The following LCMT1 variants were observed in gnomAD, a reference collection of about 807,000 sequenced individuals.
LCMT1 encodes the protein leucine carboxyl methyltransferase 1.
LCMT1 carries 32 observed loss-of-function variants against 47.7 expected under a neutral mutation model. The ratio of observed to expected loss-of-function variants is 0.67; its 90% confidence interval spans 0.51 to 0.90. The LOEUF (loss-of-function observed/expected upper bound fraction) is 0.90, where lower values mean the gene tolerates loss of function less well. Among genes scored for constraint, LCMT1 ranks in the 40% least tolerant of loss-of-function variants. The probability of loss-of-function intolerance (pLI) is 0.00; values close to 1 mark genes in which losing one functional copy is unlikely to be tolerated. For missense variants in LCMT1, 375 were observed against 415.2 expected, an observed-to-expected ratio of 0.90 and a Z score of 0.84; for synonymous variants, 152 against 149.7, an observed-to-expected ratio of 1.02 and a Z score of -0.11.
chr16:25,139,444 A>G (rs1006722681), intron 3 of LCMT1, among the ~76,000 whole-genome samples: 6 of 151,956 alleles, frequency 3.9e-5, no homozygotes, highest in African/African-American at 1.5e-4. Flanking sequence ...CGGGAGGCAG[A>G]GGTTGCAGTG....
At chr16:25,113,378 A>G (rs1024008942) in intron 1 of LCMT1, among the ~76,000 whole-genome samples, 1 of 152,116 alleles carries the variant, frequency 6.6e-6, no homozygotes, top group Admixed American at 6.6e-5. Flanking sequence ...CTGGAGCTAG[A>G]CTCTGTCAAA....
chr16:25,167,693 A>G (rs1961627544), intron 7 of LCMT1, among the ~76,000 whole-genome samples: 1 of 152,174 alleles, frequency 6.6e-6, no homozygotes, highest in Non-Finnish European at 1.5e-5. Flanking sequence ...AGTGGTAGCA[A>G]ATTCTTAGAT....
chr16:25,132,013 CTAT>C (rs1432358696), intron 2 of LCMT1: 2 of 300,046 alleles, frequency 6.7e-6, no homozygotes, highest in East Asian at 1.5e-4. Flanking sequence ...CTGACCCATA[CTAT>C]TATTTTTCAT....
At chr16:25,133,179 A>G (rs1960403528) in intron 3 of LCMT1, among the ~76,000 whole-genome samples, 1 of 152,044 alleles carries the variant, frequency 6.6e-6, no homozygotes, top group African/African-American at 2.4e-5. Context: ...TAATTTTGAC[A>G]GTAACTAAGA....
intron 7 of LCMT1, among the ~76,000 whole-genome samples, chr16:25,168,524 G>A (rs1961654580): frequency 6.6e-6 from 1 of 152,182 alleles, no homozygotes; most frequent in East Asian, 1.9e-4. Flanking sequence ...ACAAGGAAAA[G>A]TAAATCTCTC....
intron 5 of LCMT1, among the ~76,000 whole-genome samples, chr16:25,159,223 C>T (rs1015462757): frequency 6.6e-6 from 1 of 152,212 alleles, no homozygotes; most frequent in Non-Finnish European, 1.5e-5. Context: ...AGAAGTTACA[C>T]AGGCATTTTG....
intron 9 of LCMT1, among the ~76,000 whole-genome samples, chr16:25,173,049 C>T (rs777914607): frequency 1.3e-5 from 2 of 152,188 alleles, no homozygotes; most frequent in Admixed American, 6.5e-5. Flanking sequence ...TATGCCAGGT[C>T]GAACAGCCTT....
intron 10 of LCMT1, among the ~76,000 whole-genome samples, chr16:25,177,334 T>G (rs1302408750): frequency 6.6e-6 from 1 of 152,224 alleles, no homozygotes; most frequent in Non-Finnish European, 1.5e-5. Flanking sequence ...TGACCTCTTG[T>G]GACTTTTCCC....
chr16:25,132,319 T>C, intron 2 of LCMT1, 83 bp from the exon 3 acceptor site: 1 of 1,535,714 alleles, frequency 6.5e-7, no homozygotes, highest in Non-Finnish European at 8.9e-7. Flanking sequence ...TCTGTTTTGC[T>C]CTTCTCCTGG....
intron 3 of LCMT1, among the ~76,000 whole-genome samples, chr16:25,136,770 C>G (rs1438193225): frequency 6.6e-6 from 1 of 152,082 alleles, no homozygotes; most frequent in Non-Finnish European, 1.5e-5. Flanking sequence ...AACTCCTGGC[C>G]TCAAGTGATC....
intron 4 of LCMT1, chr16:25,144,008 A>G (rs1365654615): frequency 1.3e-5 from 2 of 152,182 alleles, no homozygotes; most frequent in African/African-American, 2.4e-5. Context: ...TAAGGCCAAC[A>G]CATTGCTGGA....
At chr16:25,121,696 G>A (rs900917485) in intron 1 of LCMT1, among the ~76,000 whole-genome samples, 1 of 152,158 alleles carries the variant, frequency 6.6e-6, no homozygotes, top group South Asian at 2.1e-4. Flanking sequence ...GTGCTAGGAG[G>A]GGAAATGCCA....
intron 3 of LCMT1, among the ~76,000 whole-genome samples, chr16:25,137,512 T>A (rs1960536906): frequency 6.6e-6 from 1 of 152,114 alleles, no homozygotes; most frequent in African/African-American, 2.4e-5. Flanking sequence ...TGATATGATC[T>A]CAGCTCACTG....
At chr16:25,155,371 C>T (rs947754179) in intron 5 of LCMT1, among the ~76,000 whole-genome samples, 2 of 151,890 alleles carry the variant, frequency 1.3e-5, no homozygotes, top group Admixed American at 1.3e-4. Flanking sequence ...CCTAGTGAGA[C>T]CCTGTCACAA....
chr16:25,151,671 C>CT (rs1480596793), intron 5 of LCMT1, 56 bp downstream of exon 5: 8 of 1,362,942 alleles, frequency 5.9e-6, no homozygotes, highest in Non-Finnish European at 8.3e-6. Flanking sequence ...TTCCCACCCC[C>CT]TTTTTGAAGA....
At chr16:25,144,373 T>TA (rs778832729) in intron 4 of LCMT1, 1 of 152,266 alleles carries the variant, frequency 6.6e-6, no homozygotes, top group Non-Finnish European at 1.5e-5. Flanking sequence ...CCTTCAGGCT[T>TA]ACTACTGCAT....
intron 5 of LCMT1, among the ~76,000 whole-genome samples, chr16:25,160,548 A>T (rs1961395772): frequency 6.6e-6 from 1 of 152,230 alleles, no homozygotes; most frequent in African/African-American, 2.4e-5. Context: ...TTACCCTCTG[A>T]TCTCTTAATT....
intron 8 of LCMT1, among the ~76,000 whole-genome samples, chr16:25,170,500 C>A (rs575239822): frequency 6.6e-6 from 1 of 152,266 alleles, no homozygotes; most frequent in African/African-American, 2.4e-5. Context: ...CACACTGGCT[C>A]ACACCTCTCA....
At chr16:25,122,693 A>G (rs1960029088) in intron 1 of LCMT1, among the ~76,000 whole-genome samples, 1 of 152,088 alleles carries the variant, frequency 6.6e-6, no homozygotes, top group Non-Finnish European at 1.5e-5. Flanking sequence ...GCTGATTTGT[A>G]AGAACTTTTT....
Sources: gnomAD v4.1 joint callset for allele counts (sites outside exome capture counted in the v4.1 genomes callset) on GRCh38, gnomAD v4.1.1 for gene constraint, MANE v1.5 for transcripts, NCBI Gene and HGNC (gene_info 2026-07-23, HGNC 2026-07-21) for gene names.